CADM2: variants seen among roughly 807,000 people sequenced by gnomAD.
The protein encoded by CADM2 is immunoglobulin superfamily member 4D.
A neutral mutation model predicts 49.8 loss-of-function variants in CADM2; 12 were observed. The ratio of observed to expected loss-of-function variants is 0.24; its 90% CI spans 0.15 to 0.39. The LOEUF (loss-of-function observed/expected upper bound fraction) is 0.39, where lower values mean the gene tolerates loss of function less well. Among genes scored for constraint, CADM2 ranks in the 10% least tolerant of loss-of-function variants. The probability of loss-of-function intolerance (pLI) is 1.00; values close to 1 mark genes in which losing one functional copy is unlikely to be tolerated. For missense variants in CADM2, 378 were observed against 492.3 expected (o/e 0.77, Z 2.20); for synonymous variants, 214 against 175.4 (o/e 1.22, Z -1.74).
chr3:85,129,142 T>A (rs2039141688), intron 1 of CADM2, among the ~76,000 whole-genome samples: 1 of 152,132 alleles, frequency 6.6e-6, no homozygotes, highest in Non-Finnish European at 1.5e-5. Context: ...ACATCAATGC[T>A]TAGGCCCAAG....
chr3:85,268,967 GAAAC>G (rs1001273558), intron 1 of CADM2, among the ~76,000 whole-genome samples: 1 of 151,204 alleles, frequency 6.6e-6, no homozygotes, highest in Non-Finnish European at 1.5e-5. Context: ...ATTTTGGAAT[GAAAC>G]AAAATTGCTA....
chr3:85,466,465 CT>C (rs35225741), intron 1 of CADM2, among the ~76,000 whole-genome samples: 1 of 152,074 alleles, frequency 6.6e-6, no homozygotes, highest in Admixed American at 6.6e-5. Context: ...AACGCTTTGC[CT>C]TTTTTGCAGT....
intron 1 of CADM2, among the ~76,000 whole-genome samples, chr3:85,573,212 G>T (rs1469145367): frequency 4.7e-5 from 2 of 42,178 alleles, no homozygotes; most frequent in Admixed American, 3.4e-4. Context: ...TTTATTTACT[G>T]AGGCAAGGTC....
In CADM2 at chr3:86,066,332, C is replaced by CAAA. The variant is rs10663610; in HGVS notation, c.1097-309_1097-307dup. On this transcript the variant is annotated intron_variant, in intron 9 of 9. Transcript: ENST00000383699. ...TGGGCGAGAGAGCGAGACTCCGTCT[C>CAAA]AAAAAAAAAAAAAAAAAAAAAAAAA... Among the ~76,000 whole-genome samples the CAAA allele has an allele frequency of 2.3e-3, 70 of 30,360 alleles. 16 individuals carry two copies. The highest frequency in any genetic ancestry group is 0.013 in the African/African-American group (62 of 4,676). 19.9% of individuals were successfully genotyped at this position (30,360 alleles called of 152,430 possible).
intron 1 of CADM2, among the ~76,000 whole-genome samples, chr3:85,409,703 A>G (rs1474013153): frequency 6.6e-6 from 1 of 152,130 alleles, no homozygotes; most frequent in Non-Finnish European, 1.5e-5. Context: ...CTTAACTTGG[A>G]TTAAAGATGA....
intron 1 of CADM2, among the ~76,000 whole-genome samples, chr3:85,388,975 T>C (rs1413962548): frequency 2.0e-5 from 3 of 152,150 alleles, no homozygotes; most frequent in African/African-American, 7.2e-5. Context: ...ATTGGATAAA[T>C]GGAAATTCCG....
intron 5 of CADM2, among the ~76,000 whole-genome samples, chr3:85,889,953 T>C (rs765748031): frequency 1.3e-5 from 2 of 152,152 alleles, no homozygotes; most frequent in Admixed American, 1.3e-4. Flanking sequence ...AGTTCATTGA[T>C]GGAAGCAGGC....
chr3:85,899,257 C>T (rs544688819), intron 5 of CADM2, among the ~76,000 whole-genome samples: 1 of 152,028 alleles, frequency 6.6e-6, no homozygotes, highest in South Asian at 2.1e-4. Flanking sequence ...TGAGCCACCG[C>T]ACTCAGCAAT....
chr3:85,410,639 A>C (rs2035614339), intron 1 of CADM2, among the ~76,000 whole-genome samples: 1 of 152,208 alleles, frequency 6.6e-6, no homozygotes, highest in Admixed American at 6.5e-5. Flanking sequence ...AACAGTTAAA[A>C]AGAGTTAAAC....
intron 1 of CADM2, among the ~76,000 whole-genome samples, chr3:85,535,407 G>T: frequency 6.6e-6 from 1 of 152,012 alleles, no homozygotes; most frequent in African/African-American, 2.4e-5. Context: ...TAATAAAATT[G>T]TCCATCTAAA....
At chr3:85,568,501 T>G (rs796178794) in intron 1 of CADM2, among the ~76,000 whole-genome samples, 12,030 of 55,988 alleles carry the variant, frequency 0.21, 3,834 homozygotes, top group East Asian at 0.71. Flanking sequence ...CTTTCTTTCT[T>G]TCTTTCTTTC....
At chr3:85,872,732 A>G (rs1559713887) in intron 3 of CADM2, among the ~76,000 whole-genome samples, 1 of 149,772 alleles carries the variant, frequency 6.7e-6, no homozygotes, top group Non-Finnish European at 1.5e-5. Context: ...CATTATATAT[A>G]TATAATTTAG....
At chr3:85,553,326 G>A (rs888494659) in intron 1 of CADM2, among the ~76,000 whole-genome samples, 1 of 151,760 alleles carries the variant, frequency 6.6e-6, no homozygotes, top group African/African-American at 2.4e-5. Context: ...AAACAAAGAA[G>A]ATACTATTCT....
chr3:85,844,923 G>C (rs1470436761), intron 3 of CADM2, among the ~76,000 whole-genome samples: 1 of 152,002 alleles, frequency 6.6e-6, no homozygotes, highest in East Asian at 1.9e-4. Flanking sequence ...GGCTGGGGTG[G>C]GAGGATACGT....
chr3:85,472,723 A>C (rs2038820494), intron 1 of CADM2, among the ~76,000 whole-genome samples: 1 of 151,972 alleles, frequency 6.6e-6, no homozygotes, highest in Non-Finnish European at 1.5e-5. Flanking sequence ...GGCTCTGCAT[A>C]CGTCTTATTT....
intron 1 of CADM2, among the ~76,000 whole-genome samples, chr3:85,045,002 CA>C (rs1414854824): frequency 6.6e-6 from 1 of 152,034 alleles, no homozygotes; most frequent in African/African-American, 2.4e-5. Flanking sequence ...ACCAGGTGTG[CA>C]TAAGACATTG....
chr3:85,305,455 A>G (rs568947574), intron 1 of CADM2, among the ~76,000 whole-genome samples: 5 of 151,776 alleles, frequency 3.3e-5, no homozygotes, highest in African/African-American at 9.6e-5. Flanking sequence ...AATGCAAGCA[A>G]TTTCTTGCCA....
intron 1 of CADM2, among the ~76,000 whole-genome samples, chr3:85,132,473 T>C (rs899438011): frequency 6.6e-6 from 1 of 152,152 alleles, no homozygotes; most frequent in Non-Finnish European, 1.5e-5. Flanking sequence ...ACAGATTCCA[T>C]TTACAAAATC....
At chr3:85,509,225 G>T (rs1051546080) in intron 1 of CADM2, among the ~76,000 whole-genome samples, 1 of 152,104 alleles carries the variant, frequency 6.6e-6, no homozygotes, top group African/African-American at 2.4e-5. Context: ...GCATCCAAAA[G>T]CTGGGGGCAG....
Sources: allele counts gnomAD v4.1 joint callset (sites outside exome capture counted in the v4.1 genomes callset), GRCh38; gene constraint gnomAD v4.1.1; transcripts MANE v1.5; gene names NCBI Gene and HGNC (gene_info 2026-07-23, HGNC 2026-07-21).